Variants in ZNF141 observed in about 807,000 individuals in gnomAD.
The protein encoded by ZNF141 is zinc finger protein 141, also known as zinc finger protein 141 (clone pHZ-44).
ZNF141 carries 7 observed loss-of-function variants against 11.3 expected under a neutral mutation model. The observed-to-expected ratio is 0.62, with a 90% CI of 0.35 to 1.16. The LOEUF is 1.16. Ranked by LOEUF, ZNF141 falls within the 50% of genes most tolerant of loss-of-function variation. ZNF141 has a pLI of 0.02. For missense variants in ZNF141, 535 were observed against 554.0 expected, an observed-to-expected ratio of 0.97 and a Z score of 0.34; for synonymous variants, 183 against 190.7, an observed-to-expected ratio of 0.96 and a Z score of 0.33.
chr4:349,663 T>G (rs1721498647), intron 3 of ZNF141, among the ~76,000 whole-genome samples: 1 of 152,180 alleles, frequency 6.6e-6, no homozygotes, highest in Admixed American at 6.5e-5. Context: ...AGATTACCTC[T>G]GGGGTTGCAG....
chr4:348,721 T>C (rs1297078127), intron 3 of ZNF141, among the ~76,000 whole-genome samples: 5 of 145,154 alleles, frequency 3.4e-5, no homozygotes, highest in African/African-American at 1.0e-4. Context: ...AGAGCTGGAC[T>C]CCATCTCAAA....
In ZNF141 at chr4:342,296, A is replaced by T. The variant is rs531234643; in HGVS notation, c.4-1486A>T. On this transcript the variant is annotated intron_variant, in intron 1 of 3. Transcript: ENST00000240499. ...GATGCACATGTTGTTTTTCAGATAC[A>T]GACTTACTCAGACATTGCCACCGTC... Among the ~76,000 whole-genome samples, 4 of 152,362 alleles carry T rather than the reference A, an allele frequency of 2.6e-5. No individual in the cohort carries two copies. The South Asian group carries it at 6.2e-4, about 24-fold the overall frequency.
chr4:345,050 A>C (rs1553849299), intron 3 of ZNF141, among the ~76,000 whole-genome samples: 2 of 152,172 alleles, frequency 1.3e-5, no homozygotes, highest in African/African-American at 4.8e-5. Context: ...AGACACTGGA[A>C]TATTTGTGTT....
intron 3 of ZNF141, among the ~76,000 whole-genome samples, chr4:352,622 ATTTC>A (rs1429173704): frequency 1.3e-5 from 2 of 152,076 alleles, no homozygotes; most frequent in Admixed American, 6.6e-5. Flanking sequence ...TGAAAAGGGT[ATTTC>A]TTTGCAATAA....
At chr4:366,917 C>T (rs898625923) in intron 3 of ZNF141, among the ~76,000 whole-genome samples, 27 of 152,300 alleles carry the variant, frequency 1.8e-4, no homozygotes, top group Middle Eastern at 3.4e-3. Flanking sequence ...ATCCTCCTGC[C>T]TCAGCCTCCC....
intron 3 of ZNF141, among the ~76,000 whole-genome samples, chr4:364,325 C>A (rs1048517006): frequency 2.0e-5 from 3 of 152,064 alleles, no homozygotes; most frequent in Admixed American, 6.6e-5. Context: ...TGGTCCTGGA[C>A]TTTTTTTGGT....
At position 377,067 on chromosome 4, in the gene ZNF141, G is replaced by A. The variant is rs1712406563; in HGVS notation, c.*3205G>A. On this transcript the variant is annotated 3_prime_UTR_variant, in exon 4 of 4. Coordinates refer to ENST00000240499, the MANE Select transcript of ZNF141 (RefSeq NM_003441.4). ...TGTAATTTCATAATATATGTATTAA[G>A]TTATTTTAGTTAGAACATTTCATTT... 1.3e-5 allele frequency among the ~76,000 whole-genome samples: 2 copies of A among 152,150 alleles called. No homozygotes were observed.
At chr4:369,049 A>G (rs947049620) in intron 3 of ZNF141, among the ~76,000 whole-genome samples, 3 of 152,072 alleles carry the variant, frequency 2.0e-5, no homozygotes, top group Non-Finnish European at 2.9e-5. Flanking sequence ...TTCATTATTC[A>G]TTATAGAAAT....
intron 3 of ZNF141, among the ~76,000 whole-genome samples, chr4:356,558 C>T (rs1359279520): frequency 4.6e-5 from 7 of 151,942 alleles, no homozygotes; most frequent in South Asian, 2.1e-4. Flanking sequence ...GTGATCCTCC[C>T]GCCTCAGCCT....
rs201042646 is a variant in ZNF141, at chr4:353,465, TA to T, written c.226+9036del. Among the ~76,000 whole-genome samples, 525 of 132,986 alleles carry T rather than the reference TA, an allele frequency of 3.9e-3. 6 individuals carry two copies. Among genetic ancestry groups the T allele is most frequent in the African/African-American group, 0.015 (479 of 32,038 alleles). 87.2% of individuals were successfully genotyped at this position (132,986 alleles called of 152,430 possible). The stretch of plus-strand genomic sequence containing the variant: ...TTTATTAATTTATTATTATTATTAT[TA>T]TTTTTTTTTTTTTGGAGACAGAGTC... On this transcript the variant is annotated intron_variant, in intron 3 of 3. Transcript: ENST00000240499.
chr4:355,018 C>G (rs1553851027), intron 3 of ZNF141, among the ~76,000 whole-genome samples: 1 of 151,804 alleles, frequency 6.6e-6, no homozygotes, highest in Non-Finnish European at 1.5e-5. Context: ...TATACTGTTA[C>G]TATCATATTT....
In ZNF141 at chr4:378,161, TCAACAA is replaced by T. The variant is rs1338121277; in HGVS notation, c.*4309_*4314del. On this transcript the variant is annotated 3_prime_UTR_variant, in exon 4 of 4. Coordinates refer to ENST00000240499, the MANE Select transcript of ZNF141 (RefSeq NM_003441.4). The stretch of plus-strand genomic sequence containing the variant: ...GCCTGCCAACAGAGTAAGACCCGTC[TCAACAA>T]CAACAACAAAAAAGAAGAAAATTTT... 6.6e-6 allele frequency: 1 copy of T among 152,170 alleles called. No individual in the cohort carries two copies. The highest frequency in any genetic ancestry group is 1.5e-5 in the Non-Finnish European group (1 of 68,030). 9.4% of individuals were successfully genotyped at this position (152,170 alleles called of 1,614,324 possible).
intron 3 of ZNF141, among the ~76,000 whole-genome samples, chr4:346,062 A>G (rs1416667453): frequency 3.3e-5 from 5 of 152,200 alleles, no homozygotes; most frequent in Non-Finnish European, 5.9e-5. Context: ...TGTGTCTCAC[A>G]CACACACCTA....
At chr4:342,650 G>C (rs1171558928) in intron 1 of ZNF141, among the ~76,000 whole-genome samples, 1 of 152,232 alleles carries the variant, frequency 6.6e-6, no homozygotes, top group East Asian at 1.9e-4. Context: ...GTGACTCTCA[G>C]CCCAGTCTTC....
chr4:370,398 T>A (rs1352962239), intron 3 of ZNF141, among the ~76,000 whole-genome samples: 2 of 152,208 alleles, frequency 1.3e-5, no homozygotes, highest in Non-Finnish European at 2.9e-5. Context: ...CATTTTTTTT[T>A]ATAAGGCAGG....
At chr4:350,930 T>A (rs531167482) in intron 3 of ZNF141, among the ~76,000 whole-genome samples, 32 of 151,388 alleles carry the variant, frequency 2.1e-4, no homozygotes, top group Admixed American at 1.9e-3. Context: ...TTTTTTTTTT[T>A]AGTAGAGACG....
At position 381,946 on chromosome 4, in the gene ZNF141, C is replaced by CTTTTTTT. The variant is rs34905613; in HGVS notation, c.*8097_*8103dup. ...CTAGGGCCACCACCATCTCTGGGAA[C>CTTTTTTT]TTTTTTTTTTTTTTTTTTTGAGACG... On this transcript the variant is annotated 3_prime_UTR_variant, in exon 4 of 4. Coordinates refer to ENST00000240499, the MANE Select transcript of ZNF141 (RefSeq NM_003441.4). 4.7e-4 allele frequency among the ~76,000 whole-genome samples: 50 copies of CTTTTTTT among 105,922 alleles called. 3 individuals carry two copies. The highest frequency in any genetic ancestry group is 2.9e-3 in the East Asian group (11 of 3,792). The allele number at this position is 105,922 out of a possible 152,430, so 69.5% of individuals were successfully genotyped here. A position where few individuals can be genotyped will look rare whatever the true frequency, so the allele number is the denominator to read the frequency against.
intron 3 of ZNF141, among the ~76,000 whole-genome samples, chr4:355,972 C>T (rs1268881439): frequency 6.6e-6 from 1 of 152,082 alleles, no homozygotes; most frequent in Non-Finnish European, 1.5e-5. Context: ...GTGGCTTACA[C>T]CTGTAATCCC....
rs1712480582 is a variant in ZNF141 at position 378,700 on chromosome 4, T to A, written c.*4838T>A. Among the ~76,000 whole-genome samples the A allele has an allele frequency of 6.6e-6, 1 of 152,196 alleles. No homozygotes were observed. Among genetic ancestry groups the A allele is most frequent in the Admixed American group, 6.6e-5 (1 of 15,266 alleles). On this transcript the variant is annotated 3_prime_UTR_variant, in exon 4 of 4. Transcript: ENST00000240499. ...ATCTTGAGGAATTTCTCATAATTCT[T>A]TGTTTTAGTGGATGCATTTCATGGG...
Sources: gnomAD v4.1 joint callset for allele counts (sites outside exome capture counted in the v4.1 genomes callset) on GRCh38, gnomAD v4.1.1 for gene constraint, MANE v1.5 for transcripts, NCBI Gene and HGNC (gene_info 2026-07-23, HGNC 2026-07-21) for gene names.